KCNMA1: variants seen among roughly 807,000 people sequenced by gnomAD.
KCNMA1 encodes the protein potassium calcium-activated channel subfamily M alpha 1.
In KCNMA1, 29 loss-of-function variants were observed where a neutral mutation model predicts 140.0. The observed-to-expected ratio is 0.21, with a 90% CI of 0.15 to 0.28. The LOEUF is 0.28. Among genes scored for constraint, KCNMA1 ranks in the 10% least tolerant of loss-of-function variants. The probability of loss-of-function intolerance (pLI) is 1.00; values close to 1 mark genes in which losing one functional copy is unlikely to be tolerated. For synonymous variants in KCNMA1, 612 were observed against 611.9 expected, an observed-to-expected ratio of 1.00 and a Z score of 0.00; for missense variants, 880 against 1,602.2, an observed-to-expected ratio of 0.55 and a Z score of 7.70.
chr10:77,554,142 G>A (rs1373636302), intron 1 of KCNMA1, among the ~76,000 whole-genome samples: 4 of 152,112 alleles, frequency 2.6e-5, no homozygotes, highest in South Asian at 2.1e-4. Flanking sequence ...AAGCCAAGCC[G>A]GACTGCCCAC....
At chr10:77,445,936 C>T (rs190764711) in intron 1 of KCNMA1, among the ~76,000 whole-genome samples, 3 of 152,308 alleles carry the variant, frequency 2.0e-5, no homozygotes, top group Admixed American at 2.0e-4. Flanking sequence ...AGGTATGGCC[C>T]TTTTCGGCCA....
At chr10:77,547,659 T>A (rs1213691555) in intron 1 of KCNMA1, among the ~76,000 whole-genome samples, 2 of 152,172 alleles carry the variant, frequency 1.3e-5, no homozygotes, top group Non-Finnish European at 2.9e-5. Flanking sequence ...CTTTCTTGAG[T>A]AAATATTCTC....
intron 9 of KCNMA1, among the ~76,000 whole-genome samples, chr10:77,097,709 TA>T (rs1434756795): frequency 9.2e-5 from 14 of 152,228 alleles, no homozygotes; most frequent in Non-Finnish European, 1.8e-4. Flanking sequence ...ATAATTTTTT[TA>T]AAAAAAAGGA....
At position 77,350,829 on chromosome 10, in the gene KCNMA1, G is replaced by A. The variant is rs564426005; in HGVS notation, c.540+53033C>T. ...TCACAATCATGCCTGGTGATTATGA[G>A]GACTTAGTGGGATGATGCTCTGGGC... On this transcript the variant is annotated intron_variant, in intron 2 of 27. Coordinates refer to ENST00000286628, the MANE Select transcript of KCNMA1 (RefSeq NM_001161352.2). 8 of 152,262 alleles carry A rather than the reference G, an allele frequency of 5.3e-5. No homozygotes were observed. In the South Asian group the frequency reaches 1.7e-3, roughly 32 times the overall value. The allele number at this position is 152,262 out of a possible 1,614,324, so 9.4% of individuals were successfully genotyped here.
intron 5 of KCNMA1, among the ~76,000 whole-genome samples, chr10:77,141,433 T>A (rs1283774553): frequency 1.3e-5 from 2 of 152,102 alleles, no homozygotes; most frequent in African/African-American, 4.8e-5. Flanking sequence ...CATGATGAGA[T>A]TAGTGCCATT....
At chr10:76,949,009 T>G in intron 22 of KCNMA1, 133 bp downstream of exon 22, 1 of 831,182 alleles carries the variant, frequency 1.2e-6, no homozygotes. Context: ...ATAGGGGAAG[T>G]GCTGAGTCCT....
At chr10:77,367,100 C>T (rs978718450) in intron 2 of KCNMA1, among the ~76,000 whole-genome samples, 10 of 152,260 alleles carry the variant, frequency 6.6e-5, no homozygotes, top group Admixed American at 2.6e-4. Flanking sequence ...ACCCTCATTC[C>T]GCACGGGTGT....
chr10:77,155,538 T>C (rs1316336950), intron 5 of KCNMA1, among the ~76,000 whole-genome samples: 2 of 152,160 alleles, frequency 1.3e-5, no homozygotes, highest in African/African-American at 4.8e-5. Context: ...CACCCTGCCC[T>C]GTTCTGCCTC....
chr10:77,030,290 T>C (rs556849154), intron 15 of KCNMA1, among the ~76,000 whole-genome samples: 1 of 152,336 alleles, frequency 6.6e-6, no homozygotes, highest in South Asian at 2.1e-4. Context: ...GAAAATGCCA[T>C]CCTTAATTTA....
chr10:77,559,719 AC>A (rs1414109553), intron 1 of KCNMA1, among the ~76,000 whole-genome samples: 2 of 152,118 alleles, frequency 1.3e-5, no homozygotes, highest in Non-Finnish European at 2.9e-5. Flanking sequence ...TTCTGGTTTC[AC>A]CTTTAGAACT....
chr10:77,086,797 T>G (rs966507110), intron 10 of KCNMA1, among the ~76,000 whole-genome samples: 1 of 152,060 alleles, frequency 6.6e-6, no homozygotes, highest in East Asian at 1.9e-4. Flanking sequence ...AGTACCATGG[T>G]AAAAGAAAGA....
intron 2 of KCNMA1, among the ~76,000 whole-genome samples, chr10:77,308,410 A>G (rs548715607): frequency 6.6e-6 from 1 of 152,342 alleles, no homozygotes; most frequent in African/African-American, 2.4e-5. Flanking sequence ...CAGACAAACC[A>G]GTCCCTTTTA....
intron 1 of KCNMA1, among the ~76,000 whole-genome samples, chr10:77,546,190 GATCACACACTTTC>G (rs1313813548): frequency 6.6e-6 from 1 of 152,256 alleles, no homozygotes; most frequent in Admixed American, 6.5e-5. Flanking sequence ...GGCTGGCTGT[GATCACACACTTTC>G]ATCACACACT....
intron 1 of KCNMA1, among the ~76,000 whole-genome samples, chr10:77,607,346 T>C (rs968949648): frequency 6.6e-6 from 1 of 152,112 alleles, no homozygotes; most frequent in Admixed American, 6.5e-5. Context: ...CTGATTCCCA[T>C]AAAAATGGCA....
At chr10:77,600,076 T>C (rs1168606251) in intron 1 of KCNMA1, among the ~76,000 whole-genome samples, 3 of 152,146 alleles carry the variant, frequency 2.0e-5, no homozygotes, top group African/African-American at 7.2e-5. Flanking sequence ...TCGCATCATT[T>C]TTTCAGGATG....
chr10:77,185,411 T>G (rs530180443), intron 3 of KCNMA1, among the ~76,000 whole-genome samples: 5 of 152,158 alleles, frequency 3.3e-5, no homozygotes, highest in South Asian at 2.1e-4. Context: ...AAACCATTAG[T>G]TGATTAATAA....
chr10:77,610,676 A>T (rs951310904), intron 1 of KCNMA1, among the ~76,000 whole-genome samples: 1 of 152,222 alleles, frequency 6.6e-6, no homozygotes, highest in African/African-American at 2.4e-5. Flanking sequence ...AAGTGTCCAG[A>T]TCAGGCACAT....
rs1417644710 is a variant in KCNMA1, at chr10:77,171,371, C to T, written c.808+12050G>A. ...CCAAAGAGCCTCACAGAATAGATTTCGGAAAGTACGTGTGCGTGTGTGTGT... is the reference window on the plus strand; with the variant it reads ...CCAAAGAGCCTCACAGAATAGATTTTGGAAAGTACGTGTGCGTGTGTGTGT... On this transcript the variant is annotated intron_variant, in intron 5 of 27. Transcript: ENST00000286628. 6.8e-5 allele frequency among the ~76,000 whole-genome samples: 10 copies of T among 146,230 alleles called. No homozygotes were observed. The Admixed American group carries it at 6.9e-4, about 10-fold the overall frequency.
intron 1 of KCNMA1, chr10:77,635,556 G>A (rs1375392085): frequency 6.6e-6 from 1 of 152,240 alleles, no homozygotes. Flanking sequence ...GAGAAGGATG[G>A]AGAGAGGGAA....
Sources: gnomAD v4.1 joint callset for allele counts (sites outside exome capture counted in the v4.1 genomes callset) on GRCh38, gnomAD v4.1.1 for gene constraint, MANE v1.5 for transcripts, NCBI Gene and HGNC (gene_info 2026-07-23, HGNC 2026-07-21) for gene names.